ZFP41: variants seen among roughly 807,000 people sequenced by gnomAD.
The protein encoded by ZFP41 is ZFP41 zinc finger protein.
A neutral mutation model predicts 11.6 loss-of-function variants in ZFP41; 10 were observed. That is an observed-to-expected ratio of 0.86 (90% confidence interval 0.53 to 1.47). The LOEUF is 1.47. Among genes scored for constraint, ZFP41 ranks in the 40% most tolerant of loss-of-function variants. ZFP41 has a pLI of 0.00. For synonymous variants in ZFP41, 123 were observed against 100.9 expected, an observed-to-expected ratio of 1.22 and a Z score of -1.31; for missense variants, 302 against 264.6, an observed-to-expected ratio of 1.14 and a Z score of -0.98.
intron 2 of ZFP41, among the ~76,000 whole-genome samples, chr8:143,256,605 TG>T (rs1175338359): frequency 1.3e-5 from 2 of 152,320 alleles, no homozygotes; most frequent in East Asian, 3.9e-4. Flanking sequence ...GGGCCAGATG[TG>T]GTGACTCACA....
At chr8:143,258,539 T>C (rs935986081) in intron 2 of ZFP41, among the ~76,000 whole-genome samples, 1 of 152,188 alleles carries the variant, frequency 6.6e-6, no homozygotes, top group Non-Finnish European at 1.5e-5. Flanking sequence ...AGGTTCTTCG[T>C]TATCCCAGCC....
rs1420230257 is a variant in ZFP41 at position 143,261,872 on chromosome 8, G to C, written c.*2998G>C. On this transcript the variant is annotated 3_prime_UTR_variant, in exon 3 of 3. Coordinates refer to ENST00000330701, the MANE Select transcript of ZFP41 (RefSeq NM_173832.6). ...TGCCCGCACCCGCACCCCTGCACCT[G>C]CCACGCCCGTCTCCGGCAGCACCTG... 1.5e-4 allele frequency: 6 copies of C among 40,686 alleles called. No individual in the cohort carries two copies. Among genetic ancestry groups the C allele is most frequent in the African/African-American group, 1.7e-4 (1 of 5,748 alleles). 2.5% of individuals were successfully genotyped at this position (40,686 alleles called of 1,614,324 possible). A position where few individuals can be genotyped will look rare whatever the true frequency, so the allele number is the denominator to read the frequency against.
intron 2 of ZFP41, among the ~76,000 whole-genome samples, chr8:143,256,251 G>A (rs1211267146): frequency 3.7e-5 from 4 of 108,832 alleles, no homozygotes; most frequent in Non-Finnish European, 5.5e-5. Flanking sequence ...CCGCGTGCTG[G>A]TGTTAGTGAG....
chr8:143,247,796 C>G (rs956060004), intron 1 of ZFP41: 1 of 152,250 alleles, frequency 6.6e-6, no homozygotes, highest in Non-Finnish European at 1.5e-5. Context: ...TTGTTTTTTG[C>G]GTGTGGGGTT....
Position 143,250,547 on chromosome 8 carries a change from C to T in ZFP41, c.*107C>T. 6.6e-7 allele frequency: 1 copy of T among 1,512,742 alleles called. No homozygotes were observed. The highest frequency in any genetic ancestry group is 8.8e-7 in the Non-Finnish European group (1 of 1,130,882). The allele number at this position is 1,512,742 out of a possible 1,614,324, so 93.7% of individuals were successfully genotyped here. A position where few individuals can be genotyped will look rare whatever the true frequency, so the allele number is the denominator to read the frequency against. On this transcript the variant is annotated 3_prime_UTR_variant, in exon 2 of 3. Coordinates refer to ENST00000330701, the MANE Select transcript of ZFP41 (RefSeq NM_173832.6). ...TGATGGGGGCGCAGGGCCGTGCGCA[C>T]TGTGTTCCGTGCCCTGGGGACCCCC...
intron 2 of ZFP41, among the ~76,000 whole-genome samples, chr8:143,256,597 G>A (rs1814919210): frequency 6.6e-6 from 1 of 152,206 alleles, no homozygotes; most frequent in African/African-American, 2.4e-5. Context: ...CATTTTTGGG[G>A]CCAGATGTGG....
intron 1 of ZFP41, chr8:143,248,460 A>G (rs954517777): frequency 6.6e-6 from 1 of 151,578 alleles, no homozygotes; most frequent in East Asian, 1.9e-4. Flanking sequence ...TTCACAAACC[A>G]CCCCCCGCCC....
chr8:143,255,407 TAGTG>T (rs1368580547), intron 2 of ZFP41, among the ~76,000 whole-genome samples: 1 of 152,136 alleles, frequency 6.6e-6, no homozygotes. Flanking sequence ...TGTCTGGTGT[TAGTG>T]AGATCAGAGC....
At chr8:143,255,694 G>T (rs28537517) in intron 2 of ZFP41, among the ~76,000 whole-genome samples, 2 of 121,040 alleles carry the variant, frequency 1.7e-5, no homozygotes, top group African/African-American at 3.3e-5. Flanking sequence ...ATCAGGGCTC[G>T]CCCCGCGTGC....
At position 143,249,855 on chromosome 8, in the gene ZFP41, T is replaced by C. The variant is rs746999791; in HGVS notation, c.12T>C (p.Pro4=). ...CAAGGAACAGAATGATGGAGAAGCC[T>C]GCAGGCAGAAAAAAGAAGACGCCGA... MEK[P]AGRKKKTPTP... The change falls in exon 2 of 3, where the codon CCT becomes CCC. Residue 4 remains proline (P), a synonymous_variant. Transcript: ENST00000330701. 12 of 1,596,542 alleles carry C rather than the reference T, an allele frequency of 7.5e-6. No individual in the cohort carries two copies. The highest frequency in any genetic ancestry group is 1.0e-5 in the Non-Finnish European group (12 of 1,174,008).
chr8:143,249,960 GC>G lies in ZFP41; in HGVS notation c.120del (p.Thr41LeufsTer12). ...VSGDRKPPER[P>X]TVPRKPRTEP... ...CCGGGGACAGAAAGCCACCTGAGAGGCCCACTGTGCCCAGGAAGCCCCGCAC... is the reference window on the plus strand; with the variant it reads ...CCGGGGACAGAAAGCCACCTGAGAGGCCACTGTGCCCAGGAAGCCCCGCAC... On this transcript the variant is annotated frameshift_variant, in exon 2 of 3. Coordinates refer to ENST00000330701, the MANE Select transcript of ZFP41 (RefSeq NM_173832.6). LOFTEE classifies it high-confidence loss of function. 1 of 1,614,088 alleles carries G rather than the reference GC, an allele frequency of 6.2e-7. No individual in the cohort carries two copies. Among genetic ancestry groups the G allele is most frequent in the African/African-American group, 1.3e-5 (1 of 75,050 alleles).
Position 143,250,663 on chromosome 8 carries a change from A to T in ZFP41, c.*223A>T. 1.4e-6 allele frequency: 1 copy of T among 701,684 alleles called. No homozygotes were observed. 43.5% of individuals were successfully genotyped at this position (701,684 alleles called of 1,614,324 possible). On this transcript the variant is annotated 3_prime_UTR_variant, in exon 2 of 3. Coordinates refer to ENST00000330701, the MANE Select transcript of ZFP41 (RefSeq NM_173832.6). ...TCTCTCTGATCAAGACACCGCAGTG[A>T]TGGAGAAGCCACCAGAGGCTCCTTG...
Position 143,250,262 on chromosome 8 carries a change from A to G in ZFP41, c.419A>G (p.Glu140Gly). The change falls in exon 2 of 3, where the codon GAG becomes GGG. Residue 140 changes from glutamate (E) to glycine (G), a missense_variant. Glu to Gly is a moderately conservative substitution (Grantham distance 98). Coordinates refer to ENST00000330701, the MANE Select transcript of ZFP41 (RefSeq NM_173832.6). ...VTKHQRTHTG[E>G]KPFKCGECGK... ...AAACACCAGAGGACTCACACGGGAG[A>G]GAAGCCCTTCAAATGCGGGGAGTGC... The G allele has an allele frequency of 1.2e-6, 2 of 1,614,094 alleles. No homozygotes were observed. The highest frequency in any genetic ancestry group is 8.5e-7 in the Non-Finnish European group (1 of 1,180,040).
At chr8:143,254,995 G>A (rs1027768773) in intron 2 of ZFP41, among the ~76,000 whole-genome samples, 1 of 152,150 alleles carries the variant, frequency 6.6e-6, no homozygotes, top group Non-Finnish European at 1.5e-5. Flanking sequence ...CATATTTAGG[G>A]CCAATAGGAC....
rs111377927 is a variant in ZFP41, at chr8:143,262,258, C to T, written c.*3384C>T. On this transcript the variant is annotated 3_prime_UTR_variant, in exon 3 of 3. Transcript: ENST00000330701. ...TTTTTAGTGTTTGTGCCTGTGTCCC[C>T]GTGTGCCTGTTTCCTGGTGAGGCTG... 116 of 157,952 alleles carry T rather than the reference C, an allele frequency of 7.3e-4. 1 individual carries two copies. The highest frequency in any genetic ancestry group is 2.5e-3 in the African/African-American group (104 of 41,616). 9.8% of individuals were successfully genotyped at this position (157,952 alleles called of 1,614,324 possible). A position where few individuals can be genotyped will look rare whatever the true frequency, so the allele number is the denominator to read the frequency against.
Position 143,250,086 on chromosome 8 carries a change from T to G in ZFP41, c.243T>G (p.Phe81Leu). 1 of 1,614,178 alleles carries G rather than the reference T, an allele frequency of 6.2e-7. No individual in the cohort carries two copies. The highest frequency in any genetic ancestry group is 8.5e-7 in the Non-Finnish European group (1 of 1,180,036). ...AGGGGGTTCCCGTGTTCATTCCTTT[T>G]CAGAGGAAGAAACCCTATGAGTGCA... ...DFEGVPVFIP[F>L]QRKKPYECSE... The change falls in exon 2 of 3, where the codon TTT (phenylalanine) becomes TTG (leucine). Residue 81 changes from phenylalanine (F) to leucine (L), a missense_variant. Phe to Leu is a conservative substitution (Grantham distance 22). Transcript: ENST00000330701.
chr8:143,250,359 A>G lies in ZFP41; in HGVS notation c.516A>G (p.Glu172=), dbSNP rs1816779602. The change falls in exon 2 of 3, where the codon GAA becomes GAG. Residue 172 remains glutamate (E), a synonymous_variant. Transcript: ENST00000330701. ...CGCACACCGGGGAGAAGCCCTACGA[A>G]TGCACGCACTGTGGGAAAGCCTTTG... The part of the protein sequence containing the change: ...QKTHTGEKPY[E]CTHCGKAFAY... 4 of 1,613,916 alleles carry G rather than the reference A, an allele frequency of 2.5e-6. No individual in the cohort carries two copies. Among genetic ancestry groups the G allele is most frequent in the African/African-American group, 1.3e-5 (1 of 75,030 alleles).
In ZFP41 at chr8:143,246,992, T is replaced by C. The variant is rs1326996494; in HGVS notation, c.-305T>C. On this transcript the variant is annotated 5_prime_UTR_variant, in exon 1 of 3. Transcript: ENST00000330701. The stretch of plus-strand genomic sequence containing the variant: ...GGACGCTGGCACTGGTGGGGAGCTG[T>C]TGGGGGGTCCCGCATCTAGGGCTCT... The C allele has an allele frequency of 1.3e-5, 2 of 152,422 alleles. No individual in the cohort carries two copies. Among genetic ancestry groups the C allele is most frequent in the Non-Finnish European group, 2.9e-5 (2 of 68,210 alleles). 9.4% of individuals were successfully genotyped at this position (152,422 alleles called of 1,614,324 possible).
rs1418311948 is a variant in ZFP41 at position 143,261,693 on chromosome 8, C to T, written c.*2819C>T. 1.8e-5 allele frequency: 3 copies of T among 164,192 alleles called. No individual in the cohort carries two copies. Among genetic ancestry groups the T allele is most frequent in the South Asian group, 2.8e-4 (2 of 7,190 alleles). The allele number at this position is 164,192 out of a possible 1,614,324, so 10.2% of individuals were successfully genotyped here. On this transcript the variant is annotated 3_prime_UTR_variant, in exon 3 of 3. Transcript: ENST00000330701. ...CTGTCTCGCAGTCACCCCTGCAGGCCGCTCAGGGCAGGGCTCTGGCCTGAC... is the reference window on the plus strand; with the variant it reads ...CTGTCTCGCAGTCACCCCTGCAGGCTGCTCAGGGCAGGGCTCTGGCCTGAC...
Sources: gnomAD v4.1 joint callset for allele counts (sites outside exome capture counted in the v4.1 genomes callset) on GRCh38, gnomAD v4.1.1 for gene constraint, MANE v1.5 for transcripts, NCBI Gene and HGNC (gene_info 2026-07-23, HGNC 2026-07-21) for gene names.